Variants in PNKD observed in about 807,000 individuals in gnomAD.
PNKD encodes PNKD metallo-beta-lactamase domain containing, also known as probable thioesterase PNKD.
PNKD carries 36 observed loss-of-function variants against 45.3 expected under a neutral mutation model. That is an observed-to-expected ratio of 0.80 (90% CI 0.61 to 1.05). PNKD has a LOEUF of 1.05. Ranked by LOEUF, PNKD falls within the 50% of genes least tolerant of loss-of-function variation. PNKD has a pLI of 0.00. For synonymous variants in PNKD, 197 were observed against 210.1 expected (o/e 0.94, Z 0.54); for missense variants, 511 against 506.6 (o/e 1.01, Z -0.08).
chr2:218,341,993 T>C lies in PNKD; in HGVS notation c.630T>C (p.His210=), dbSNP rs1694691035. ...GIPYLTHPLC[H]QDVVSVGRLQ... The stretch of plus-strand genomic sequence containing the variant: ...CCTTGTTCCCCAGTCCCCTGTGTCA[T>C]CAAGATGTGGTCAGCGTGGGACGGC... Residue 210 remains histidine (H), a synonymous_variant, in exon 7 of 10, where the codon CAT becomes CAC. Transcript: ENST00000273077. 2.5e-6 allele frequency: 4 copies of C among 1,613,298 alleles called. No individual in the cohort carries two copies. The highest frequency in any genetic ancestry group is 3.4e-6 in the Non-Finnish European group (4 of 1,179,340).
intron 2 of PNKD, among the ~76,000 whole-genome samples, chr2:218,302,584 G>A (rs945585604): frequency 1.3e-4 from 20 of 152,312 alleles, no homozygotes; most frequent in Non-Finnish European, 1.2e-4. Flanking sequence ...GTGGGCACTG[G>A]GGCATGGCCC....
chr2:218,317,632 G>A (rs1157265107), intron 2 of PNKD, among the ~76,000 whole-genome samples: 1 of 152,242 alleles, frequency 6.6e-6, no homozygotes, highest in Admixed American at 6.5e-5. Context: ...AGAGAAGGTA[G>A]GGAATAGAAG....
chr2:218,294,140 G>A (rs1284040810), intron 2 of PNKD, among the ~76,000 whole-genome samples: 1 of 152,026 alleles, frequency 6.6e-6, no homozygotes, highest in African/African-American at 2.4e-5. Flanking sequence ...CCCCACCCAA[G>A]GTGTGATCTC....
At chr2:218,286,832 T>A (rs899480700) in intron 2 of PNKD, 1 of 142,138 alleles carries the variant, frequency 7.0e-6, no homozygotes, top group Non-Finnish European at 1.5e-5. Flanking sequence ...CCTGCCCTCC[T>A]CCCTGCCAGA....
intron 2 of PNKD, among the ~76,000 whole-genome samples, chr2:218,272,192 T>G (rs1016638737): frequency 1.3e-5 from 2 of 152,128 alleles, no homozygotes; most frequent in African/African-American, 4.8e-5. Flanking sequence ...GAGGGTACCT[T>G]GGCCAAGTCT....
chr2:218,278,595 A>G, intron 2 of PNKD: 1 of 1,613,886 alleles, frequency 6.2e-7, no homozygotes, highest in Non-Finnish European at 8.5e-7. Context: ...GAAGCAGTTC[A>G]GGCCCAAATC....
At chr2:218,271,908 T>G (rs1280987396) in intron 2 of PNKD, among the ~76,000 whole-genome samples, 1 of 152,228 alleles carries the variant, frequency 6.6e-6, no homozygotes, top group African/African-American at 2.4e-5. Context: ...TTATGAACAT[T>G]GTGATTGGGC....
At chr2:218,296,944 C>G (rs910098035) in intron 2 of PNKD, among the ~76,000 whole-genome samples, 4 of 152,356 alleles carry the variant, frequency 2.6e-5, no homozygotes, top group African/African-American at 9.6e-5. Flanking sequence ...TCCCAAAGTG[C>G]TGGGATTACA....
chr2:218,271,315 C>G, intron 1 of PNKD, 66 bp from the exon 2 acceptor site: 1 of 1,387,900 alleles, frequency 7.2e-7, no homozygotes, highest in Non-Finnish European at 1.0e-6. Context: ...GCCCTTACTG[C>G]CCCCCACCTC....
rs1694154126 is a variant in PNKD, at chr2:218,326,261, C to T, written c.237-13522C>T. The stretch of plus-strand genomic sequence containing the variant: ...AGTAATCATCATCCCTGGTGTTTGG[C>T]AATTTAATAAAAGGCTTTCCTTAAC... On this transcript the variant is annotated intron_variant, in intron 2 of 9. Transcript: ENST00000273077. The surrounding 1 kb of genome is among the most constrained non-coding windows in gnomAD (Gnocchi z 4.1). Among the ~76,000 whole-genome samples the T allele has an allele frequency of 6.6e-6, 1 of 152,096 alleles. No homozygotes were observed. Among genetic ancestry groups the T allele is most frequent in the South Asian group, 2.1e-4 (1 of 4,826 alleles).
intron 2 of PNKD, chr2:218,278,084 A>G: frequency 7.7e-7 from 1 of 1,298,894 alleles, no homozygotes; most frequent in Non-Finnish European, 1.1e-6. Context: ...TTAAGCCTTG[A>G]CTCCAAGGAG....
chr2:218,332,824 C>T (rs1032635141), intron 2 of PNKD, among the ~76,000 whole-genome samples: 2 of 152,144 alleles, frequency 1.3e-5, no homozygotes, highest in Non-Finnish European at 2.9e-5. Context: ...TTCTAACAAC[C>T]ACCAGCCATT....
At chr2:218,281,476 T>A (rs10932768) in intron 2 of PNKD, among the ~76,000 whole-genome samples, 53,522 of 152,114 alleles carry the variant, frequency 0.35, 9,858 homozygotes, top group Middle Eastern at 0.5. Flanking sequence ...GTCCCTGCCA[T>A]GATGTTTACC....
At chr2:218,279,933 AATTGATG>A (rs1691696477) in intron 2 of PNKD, 8 of 913,850 alleles carry the variant, frequency 8.8e-6, no homozygotes, top group Non-Finnish European at 1.5e-5. Flanking sequence ...TATTTCATGG[AATTGATG>A]CCCTGGGGCT....
intron 2 of PNKD, among the ~76,000 whole-genome samples, chr2:218,319,116 G>C (rs188545821): frequency 6.6e-6 from 1 of 151,000 alleles, no homozygotes; most frequent in Non-Finnish European, 1.5e-5. Context: ...CACCATACCC[G>C]GCTAACTTTT....
chr2:218,310,017 G>A (rs1235421491), intron 2 of PNKD, among the ~76,000 whole-genome samples: 1 of 151,972 alleles, frequency 6.6e-6, no homozygotes. Context: ...TGTAATTCCA[G>A]GATTGGTTAA....
chr2:218,272,780 C>G (rs781511482), intron 2 of PNKD: 3 of 1,613,926 alleles, frequency 1.9e-6, no homozygotes, highest in African/African-American at 2.7e-5. Context: ...TGCGACCCTC[C>G]TAGGCTATTG....
At position 218,283,517 on chromosome 2, in the gene PNKD, C is replaced by T. The variant is rs528621570; in HGVS notation, c.236+11968C>T. 1.1e-4 allele frequency among the ~76,000 whole-genome samples: 16 copies of T among 152,226 alleles called. No individual in the cohort carries two copies. In the South Asian group the frequency reaches 3.3e-3, roughly 32 times the overall value. On this transcript the variant is annotated intron_variant, in intron 2 of 9. Transcript: ENST00000273077. The stretch of plus-strand genomic sequence containing the variant: ...AGGACAAGCCCTGGCAGTCTGGGCT[C>T]GACAGGGCCACCACCTCTTCTAGAG...
chr2:218,276,162 G>T, intron 2 of PNKD: 1 of 1,468,366 alleles, frequency 6.8e-7, no homozygotes, highest in Non-Finnish European at 9.4e-7. Flanking sequence ...CCGGGATAGT[G>T]GCATGAGAGT....
Sources: allele counts gnomAD v4.1 joint callset (sites outside exome capture counted in the v4.1 genomes callset), GRCh38; gene constraint gnomAD v4.1.1; non-coding constraint Gnocchi (gnomAD v3.1); transcripts MANE v1.5; gene names NCBI Gene and HGNC (gene_info 2026-07-23, HGNC 2026-07-21).